CPVL: variants seen among roughly 807,000 people sequenced by gnomAD.
CPVL encodes carboxypeptidase vitellogenic like, also known as probable serine carboxypeptidase CPVL.
Under a neutral mutation model 63.7 loss-of-function variants are expected in CPVL, and 51 were observed. The ratio of observed to expected loss-of-function variants is 0.80; its 90% CI spans 0.64 to 1.01. CPVL has a LOEUF of 1.01. Among genes scored for constraint, CPVL ranks in the 50% least tolerant of loss-of-function variants. The pLI, the probability that CPVL is intolerant of heterozygous loss-of-function variation, is 0.00. For missense variants in CPVL, 530 were observed against 573.1 expected (o/e 0.92, Z 0.77); for synonymous variants, 195 against 206.0 (o/e 0.95, Z 0.46).
At chr7:29,055,918 C>T (rs1790687582) in intron 11 of CPVL, among the ~76,000 whole-genome samples, 1 of 152,110 alleles carries the variant, frequency 6.6e-6, no homozygotes, top group South Asian at 2.1e-4. Flanking sequence ...TCTACTTTAC[C>T]AGTCTGCTGG....
In CPVL at chr7:29,141,464, C is replaced by T. The variant is rs574269280; in HGVS notation, c.-11+4965G>A. ...ACTTGGGAAGGTGAGGCAAGAGAAT[C>T]GCTTTTACCCAGGAGGCGGAGGTTG... On this transcript the variant is annotated intron_variant, in intron 1 of 12. Transcript: ENST00000265394. Among the ~76,000 whole-genome samples the T allele has an allele frequency of 3.1e-3, 468 of 152,174 alleles. 1 individual carries two copies. Among genetic ancestry groups the T allele is most frequent in the African/African-American group, 0.011 (447 of 41,496 alleles).
At chr7:29,012,656 G>A (rs1785968480) in intron 12 of CPVL, 1 of 152,202 alleles carries the variant, frequency 6.6e-6, no homozygotes, top group African/African-American at 2.4e-5. Context: ...GAGTAAAACT[G>A]TGTTCTCAAA....
At chr7:29,138,177 C>T (rs867316175) in intron 1 of CPVL, among the ~76,000 whole-genome samples, 4 of 152,290 alleles carry the variant, frequency 2.6e-5, no homozygotes, top group Middle Eastern at 3.4e-3. Context: ...GTGGCTCACG[C>T]CTGTAATCCC....
At position 28,998,014 on chromosome 7, in the gene CPVL, C is replaced by T. The variant is rs576673908; in HGVS notation, c.1321-2132G>A. On this transcript the variant is annotated intron_variant, in intron 12 of 12. Transcript: ENST00000265394. The stretch of plus-strand genomic sequence containing the variant: ...AACCCATCTACCATTTGTGTAGAAG[C>T]TTGCAACTGGAAACCCAGCATGCCC... Among the ~76,000 whole-genome samples, 64 of 152,274 alleles carry T rather than the reference C, an allele frequency of 4.2e-4. No individual in the cohort carries two copies. The South Asian group carries it at 0.013, about 30-fold the overall frequency.
chr7:29,124,963 C>A (rs1789843486), intron 1 of CPVL: 1 of 152,076 alleles, frequency 6.6e-6, no homozygotes, highest in African/African-American at 2.4e-5. Flanking sequence ...TCTATTTGTA[C>A]TTCTAGAATA....
At chr7:29,098,521 G>A (rs527410435) in intron 3 of CPVL, among the ~76,000 whole-genome samples, 48 of 152,312 alleles carry the variant, frequency 3.2e-4, no homozygotes, top group African/African-American at 1.0e-3. Flanking sequence ...TATGATAAAA[G>A]CACAATAAAT....
rs186758957 is a variant in CPVL at position 29,165,545 on chromosome 7, T to A, written c.-11+15745A>T. Among the ~76,000 whole-genome samples, 42 of 152,298 alleles carry A rather than the reference T, an allele frequency of 2.8e-4. 1 individual carries two copies. The highest frequency in any genetic ancestry group is 3.4e-3 in the Middle Eastern group (1 of 294). ...CTTTTTAACCTGTATGCCTTTGTTA[T>A]TTCTTTTTCTTTCATTAATACATTT... On this transcript the variant is annotated intron_variant, in intron 5 of 16. Transcript: ENST00000409850.
chr7:29,014,637 C>T (rs1046564510), intron 12 of CPVL, among the ~76,000 whole-genome samples: 4 of 152,178 alleles, frequency 2.6e-5, no homozygotes, highest in Admixed American at 1.3e-4. Flanking sequence ...CCACCATGCC[C>T]AGCCAAAGCT....
intron 1 of CPVL, among the ~76,000 whole-genome samples, chr7:29,189,853 G>GA (rs1782667417): frequency 6.6e-6 from 1 of 152,294 alleles, no homozygotes; most frequent in East Asian, 1.9e-4. Context: ...CAGTGAGAAA[G>GA]ACGATGCAGG....
chr7:29,124,383 T>C (rs1205468167), intron 1 of CPVL, among the ~76,000 whole-genome samples: 1 of 152,152 alleles, frequency 6.6e-6, no homozygotes, highest in African/African-American at 2.4e-5. Context: ...AACAAAATGT[T>C]CTTCTTAATA....
At chr7:29,039,214 C>T (rs1264499438) in intron 11 of CPVL, among the ~76,000 whole-genome samples, 2 of 152,172 alleles carry the variant, frequency 1.3e-5, no homozygotes, top group African/African-American at 4.8e-5. Context: ...TCTAGATGCA[C>T]ATAAATCAGC....
chr7:29,107,809 G>C (rs942558027), intron 3 of CPVL, among the ~76,000 whole-genome samples: 2 of 152,190 alleles, frequency 1.3e-5, no homozygotes, highest in African/African-American at 4.8e-5. Flanking sequence ...TGTTACTGGA[G>C]AAGTTCAGAT....
At chr7:29,030,442 T>C (rs994786008) in intron 12 of CPVL, 135 bp downstream of exon 12, 7 of 798,876 alleles carry the variant, frequency 8.8e-6, no homozygotes, top group African/African-American at 5.2e-5. Context: ...CTGTGGAAAG[T>C]AGGGCCACAG....
chr7:29,139,189 G>C (rs1791579594), intron 1 of CPVL, among the ~76,000 whole-genome samples: 1 of 152,196 alleles, frequency 6.6e-6, no homozygotes, highest in Admixed American at 6.5e-5. Flanking sequence ...CACAATTCCT[G>C]AATGTACAAG....
rs150625671 is a variant in CPVL, at chr7:29,048,039, G to T, written c.1137+16022C>A. On this transcript the variant is annotated intron_variant, in intron 11 of 12. Coordinates refer to ENST00000265394, the MANE Select transcript of CPVL (RefSeq NM_031311.5). ...GCCACCACTACAAGAACTGCTAAAA[G>T]GAGCTCTAAATCTTGAAACAAATCC... Among the ~76,000 whole-genome samples, 1,158 of 152,216 alleles carry T rather than the reference G, an allele frequency of 7.6e-3. 5 individuals carry two copies. Among genetic ancestry groups the T allele is most frequent in the Non-Finnish European group, 0.011 (718 of 67,984 alleles).
At chr7:29,020,444 T>C (rs1786850689) in intron 12 of CPVL, among the ~76,000 whole-genome samples, 1 of 152,224 alleles carries the variant, frequency 6.6e-6, no homozygotes, top group Non-Finnish European at 1.5e-5. Context: ...CTATTTATAA[T>C]TTTTTCTTCG....
chr7:29,036,962 C>A (rs1176149927), intron 11 of CPVL, among the ~76,000 whole-genome samples: 2 of 152,118 alleles, frequency 1.3e-5, no homozygotes, highest in Non-Finnish European at 2.9e-5. Flanking sequence ...TTCAGATCGA[C>A]CTGAGCCCAA....
At chr7:29,097,329 C>A (rs1466456374) in intron 3 of CPVL, among the ~76,000 whole-genome samples, 2 of 152,206 alleles carry the variant, frequency 1.3e-5, no homozygotes, top group Non-Finnish European at 2.9e-5. Context: ...GTACACAGAA[C>A]ACTGAGTGAA....
chr7:29,051,453 C>G (rs1403429990), intron 11 of CPVL, among the ~76,000 whole-genome samples: 1 of 152,024 alleles, frequency 6.6e-6, no homozygotes, highest in Non-Finnish European at 1.5e-5. Flanking sequence ...ATAGACAATT[C>G]TCAAAAGAAG....
Sources: allele counts gnomAD v4.1 joint callset (sites outside exome capture counted in the v4.1 genomes callset), GRCh38; gene constraint gnomAD v4.1.1; transcripts MANE v1.5; gene names NCBI Gene and HGNC (gene_info 2026-07-23, HGNC 2026-07-21).